The following CAMK2G variants were observed in gnomAD, a reference collection of about 807,000 sequenced individuals.
CAMK2G encodes the protein calcium/calmodulin-dependent protein kinase type II subunit gamma.
In CAMK2G, 23 loss-of-function variants were observed where a neutral mutation model predicts 88.7. That is an observed-to-expected ratio of 0.26 (90% confidence interval 0.19 to 0.37). CAMK2G has a LOEUF of 0.37. Among genes scored for constraint, CAMK2G ranks in the 10% least tolerant of loss-of-function variants. The pLI is 1.00. For missense variants in CAMK2G, 476 were observed against 780.8 expected (o/e 0.61, Z 4.65); for synonymous variants, 263 against 294.8 (o/e 0.89, Z 1.11).
chr10:73,854,841 C>A (rs771938457), intron 3 of CAMK2G, among the ~76,000 whole-genome samples: 5 of 152,082 alleles, frequency 3.3e-5, no homozygotes, highest in Non-Finnish European at 5.9e-5. Flanking sequence ...CTGCCAGGGC[C>A]GGAGCCAGGG....
chr10:73,860,772 ATC>A, intron 3 of CAMK2G, 56 bp downstream of exon 3: 1 of 1,252,120 alleles, frequency 8.0e-7, no homozygotes, highest in East Asian at 2.3e-5. Context: ...AGCAGTGGAT[ATC>A]TGTTATCCCT....
Position 73,855,487 on chromosome 10 carries a change from G to A in CAMK2G, c.221-2241C>T, listed in dbSNP as rs940325274. Among the ~76,000 whole-genome samples, 3 of 152,214 alleles carry A rather than the reference G, an allele frequency of 2.0e-5. No homozygotes were observed. In the South Asian group the frequency reaches 6.2e-4, roughly 32 times the overall value. On this transcript the variant is annotated intron_variant, in intron 3 of 22. Coordinates refer to ENST00000423381, the MANE Select transcript of CAMK2G (RefSeq NM_001367534.1). ...AGCCACTCAGCTCTGCCTGGGCCTG[G>A]CACTGAGCCCTGCCTCAGCCAGAAC...
chr10:73,872,986 C>T lies in CAMK2G; in HGVS notation c.160+3G>A, dbSNP rs374407294. On this transcript the variant is annotated splice_donor_region_variant and intron_variant, in intron 2 of 22. Transcript: ENST00000423381. ...GGAAGAGGTCAAGACAGGGAACACTCACCCCGGGCAGACAACTTCTTGGTA... is the reference window on the plus strand; with the variant it reads ...GGAAGAGGTCAAGACAGGGAACACTTACCCCGGGCAGACAACTTCTTGGTA... 79 of 1,599,556 alleles carry T rather than the reference C, an allele frequency of 4.9e-5. No homozygotes were observed. Among genetic ancestry groups the T allele is most frequent in the Non-Finnish European group, 6.2e-5 (72 of 1,166,616 alleles).
chr10:73,848,917 A>C lies in CAMK2G; in HGVS notation c.517+96T>G, dbSNP rs1202336929. The C allele has an allele frequency of 1.2e-5, 10 of 843,052 alleles. No individual in the cohort carries two copies. The highest frequency in any genetic ancestry group is 2.1e-5 in the Non-Finnish European group (10 of 479,166). 52.2% of individuals were successfully genotyped at this position (843,052 alleles called of 1,614,324 possible). ...AAGAGAGATCTCGGAGGCCAGGACC[A>C]TTAAGGGTCTGGCTTCTAGTTCTAA... On this transcript the variant is annotated intron_variant, in intron 7 of 22. Coordinates refer to ENST00000423381, the MANE Select transcript of CAMK2G (RefSeq NM_001367534.1). The surrounding 1 kb of genome is among the most constrained non-coding windows in gnomAD (Gnocchi z 4.5).
chr10:73,822,947 C>T (rs1369064385), intron 17 of CAMK2G, among the ~76,000 whole-genome samples: 6 of 152,146 alleles, frequency 3.9e-5, no homozygotes, highest in Non-Finnish European at 7.4e-5. Context: ...CTGCAACCTC[C>T]GCCTCCCAGG....
At chr10:73,847,396 C>T (rs190727587) in intron 9 of CAMK2G, 49 bp from the exon 10 acceptor site, 76 of 1,597,594 alleles carry the variant, frequency 4.8e-5, no homozygotes, top group Non-Finnish European at 3.9e-5. Flanking sequence ...GAGCTTCATA[C>T]CCTGCAACAC....
At chr10:73,857,348 T>C (rs1213871636) in intron 3 of CAMK2G, among the ~76,000 whole-genome samples, 1 of 152,112 alleles carries the variant, frequency 6.6e-6, no homozygotes, top group African/African-American at 2.4e-5. Context: ...GGGACCCAGA[T>C]AACAAAACAG....
chr10:73,816,788 G>A, intron 21 of CAMK2G: 1 of 1,494,290 alleles, frequency 6.7e-7, no homozygotes, highest in Non-Finnish European at 8.9e-7. Flanking sequence ...TGTGGTGACT[G>A]GCACTGCCAC....
chr10:73,838,563 C>T (rs1352245614), intron 13 of CAMK2G, among the ~76,000 whole-genome samples: 1 of 152,230 alleles, frequency 6.6e-6, no homozygotes, highest in Non-Finnish European at 1.5e-5. Context: ...TGCTGCCACC[C>T]TCCTGCCCTT....
At chr10:73,853,725 G>A (rs1202957607) in intron 3 of CAMK2G, among the ~76,000 whole-genome samples, 1 of 152,230 alleles carries the variant, frequency 6.6e-6, no homozygotes, top group Admixed American at 6.5e-5. Context: ...AGGAAGGCAC[G>A]TGGTGCAGGA....
chr10:73,856,403 G>A (rs952559452), intron 3 of CAMK2G, among the ~76,000 whole-genome samples: 2 of 152,214 alleles, frequency 1.3e-5, no homozygotes, highest in Admixed American at 1.3e-4. Context: ...ACTACCTGTG[G>A]CCATTCTGAC....
At chr10:73,852,907 G>C in intron 4 of CAMK2G, 1 of 463,762 alleles carries the variant, frequency 2.2e-6, no homozygotes, top group Non-Finnish European at 3.8e-6. Context: ...TCTTCACTAA[G>C]GACAGCACAC....
chr10:73,825,925 G>A (rs146396649), intron 15 of CAMK2G, among the ~76,000 whole-genome samples: 90 of 152,300 alleles, frequency 5.9e-4, no homozygotes, highest in Middle Eastern at 6.8e-3. Flanking sequence ...CTGACCTCAG[G>A]GAGCAGAGTC....
intron 5 of CAMK2G, among the ~76,000 whole-genome samples, 173 bp downstream of exon 5, chr10:73,852,081 C>A (rs1343100642): frequency 2.0e-5 from 3 of 152,164 alleles, no homozygotes; most frequent in Admixed American, 6.5e-5. Flanking sequence ...TAATATCACC[C>A]ACAGTATGCA....
chr10:73,873,983 C>T (rs1019494776), intron 1 of CAMK2G, among the ~76,000 whole-genome samples: 6 of 151,018 alleles, frequency 4.0e-5, no homozygotes, highest in Non-Finnish European at 8.9e-5. Context: ...CACGCCCGGG[C>T]TCCGCAGCAG....
intron 3 of CAMK2G, among the ~76,000 whole-genome samples, chr10:73,855,759 G>C (rs1215600351): frequency 6.6e-6 from 1 of 152,246 alleles, no homozygotes; most frequent in Admixed American, 6.5e-5. Context: ...AGAGAGAACA[G>C]CTTTGATGTG....
chr10:73,851,836 A>T (rs2135092864), intron 5 of CAMK2G, among the ~76,000 whole-genome samples: 1 of 151,618 alleles, frequency 6.6e-6, no homozygotes, highest in East Asian at 1.9e-4. Context: ...ACCTTCGCTT[A>T]CAGGTTTAAG....
intron 18 of CAMK2G, among the ~76,000 whole-genome samples, chr10:73,820,470 A>T (rs1425054287): frequency 5.6e-5 from 2 of 35,950 alleles, no homozygotes; most frequent in Non-Finnish European, 1.0e-4. Flanking sequence ...ATATTTATAT[A>T]TATATATATA....
Position 73,819,576 on chromosome 10 carries a change from G to C in CAMK2G, c.1319C>G (p.Pro440Arg). ...AGGCTGGGGCTGCATGCCTGCAGAG[G>C]GGGCTGTTCTGTCCCGGGAGCTCCG... ...EGRSSRDRTA[P>R]SAGMQPQPSL... Residue 440 changes from proline to arginine, a missense_variant, in exon 19 of 23, where the codon CCC becomes CGC. Around this residue, in one of 3 missense-constraint regions of CAMK2G, gnomAD observed 278 missense variants for 366.5 expected, o/e 0.76. Coordinates refer to ENST00000423381, the MANE Select transcript of CAMK2G (RefSeq NM_001367534.1). 1 of 1,549,480 alleles carries C rather than the reference G, an allele frequency of 6.5e-7. No individual in the cohort carries two copies. Among genetic ancestry groups the C allele is most frequent in the East Asian group, 2.4e-5 (1 of 40,924 alleles).
Sources: allele counts gnomAD v4.1 joint callset (sites outside exome capture counted in the v4.1 genomes callset), GRCh38; gene constraint gnomAD v4.1.1; regional missense constraint gnomAD v4.1.1; non-coding constraint Gnocchi (gnomAD v3.1); transcripts MANE v1.5; gene names NCBI Gene and HGNC (gene_info 2026-07-23, HGNC 2026-07-21).